The following STOX2 variants were observed in gnomAD, a reference collection of about 807,000 sequenced individuals.
STOX2 encodes the protein storkhead-box protein 2.
Under a neutral mutation model 60.9 loss-of-function variants are expected in STOX2, and 28 were observed. The ratio of observed to expected loss-of-function variants is 0.46; its 90% CI spans 0.34 to 0.63. The LOEUF (loss-of-function observed/expected upper bound fraction) is 0.63. Among genes scored for constraint, STOX2 ranks in the 30% least tolerant of loss-of-function variants. The probability of loss-of-function intolerance (pLI) is 0.01; values close to 1 mark genes in which losing one functional copy is unlikely to be tolerated. For missense variants in STOX2, 1,024 were observed against 1,187.7 expected, an observed-to-expected ratio of 0.86 and a Z score of 2.03; for synonymous variants, 472 against 463.9, an observed-to-expected ratio of 1.02 and a Z score of -0.22.
intron 1 of STOX2, among the ~76,000 whole-genome samples, chr4:183,991,826 T>C (rs1450324690): frequency 6.6e-6 from 1 of 152,130 alleles, no homozygotes; most frequent in Non-Finnish European, 1.5e-5. Flanking sequence ...ATCCCCTCAG[T>C]GAGTCTACAA....
chr4:183,898,799 A>G (rs1209027758), intron 1 of STOX2, among the ~76,000 whole-genome samples: 1 of 152,202 alleles, frequency 6.6e-6, no homozygotes, highest in Non-Finnish European at 1.5e-5. Context: ...ACCAAATTCA[A>G]CGTCCTGAGT....
chr4:184,013,175 C>T (rs1734233224), intron 3 of STOX2, among the ~76,000 whole-genome samples: 1 of 152,190 alleles, frequency 6.6e-6, no homozygotes, highest in South Asian at 2.1e-4. Context: ...GCTAAGGAGA[C>T]ATTGGGAGTA....
At chr4:183,918,106 G>T (rs1036203287) in intron 1 of STOX2, among the ~76,000 whole-genome samples, 2 of 152,226 alleles carry the variant, frequency 1.3e-5, no homozygotes, top group Non-Finnish European at 2.9e-5. Context: ...TGCAGAAGAA[G>T]AGAGCCAGCG....
At chr4:183,885,669 C>T (rs1022577842) in intron 1 of STOX2, among the ~76,000 whole-genome samples, 7 of 152,274 alleles carry the variant, frequency 4.6e-5, no homozygotes, top group East Asian at 1.9e-4. Flanking sequence ...CTCCCTTCAC[C>T]GATAGTCCAT....
chr4:183,799,427 A>G (rs899512961), intron 1 of STOX2, among the ~76,000 whole-genome samples: 1 of 152,258 alleles, frequency 6.6e-6, no homozygotes, highest in Non-Finnish European at 1.5e-5. Flanking sequence ...ACGTAAGGAT[A>G]TACGTAGTCA....
intron 1 of STOX2, among the ~76,000 whole-genome samples, chr4:183,892,842 AGT>A (rs371215546): frequency 0.9 from 137,410 of 152,116 alleles, 62,605 homozygotes; most frequent in Admixed American, 0.96. Context: ...AGTAGGTAAC[AGT>A]TAGCATGTAG....
chr4:183,984,842 T>C (rs1347652172), intron 1 of STOX2, among the ~76,000 whole-genome samples: 2 of 152,166 alleles, frequency 1.3e-5, no homozygotes, highest in Admixed American at 1.3e-4. Flanking sequence ...TATCCAAAGA[T>C]GTAAGAGGCA....
chr4:183,899,669 G>C (rs1015549463), intron 1 of STOX2, among the ~76,000 whole-genome samples: 1 of 152,204 alleles, frequency 6.6e-6, no homozygotes, highest in African/African-American at 2.4e-5. Context: ...GCTAGCAGAG[G>C]TTGGTTCATG....
intron 1 of STOX2, among the ~76,000 whole-genome samples, chr4:183,972,500 A>C (rs1473817884): frequency 6.6e-6 from 1 of 152,214 alleles, no homozygotes; most frequent in African/African-American, 2.4e-5. Context: ...AAACGCTTTG[A>C]GAGCTGAAAT....
intron 1 of STOX2, among the ~76,000 whole-genome samples, chr4:183,840,269 A>G (rs1579322285): frequency 6.6e-6 from 1 of 152,170 alleles, no homozygotes; most frequent in South Asian, 2.1e-4. Context: ...GAGTGGATGG[A>G]TTATTTAAAA....
At chr4:183,983,347 A>T (rs1010470251) in intron 1 of STOX2, among the ~76,000 whole-genome samples, 1 of 152,112 alleles carries the variant, frequency 6.6e-6, no homozygotes, top group Non-Finnish European at 1.5e-5. Flanking sequence ...ATAGATGCTG[A>T]TGTTGAACAA....
chr4:183,948,174 T>C (rs577232122), intron 1 of STOX2, among the ~76,000 whole-genome samples: 2 of 116,960 alleles, frequency 1.7e-5, no homozygotes, highest in South Asian at 2.8e-4. Context: ...GCCGAGATCA[T>C]GACATTGCAC....
At chr4:183,878,806 A>G (rs1446700030) in intron 1 of STOX2, among the ~76,000 whole-genome samples, 1 of 152,196 alleles carries the variant, frequency 6.6e-6, no homozygotes, top group Non-Finnish European at 1.5e-5. Flanking sequence ...CTTTGTATTG[A>G]GATTAGGAGC....
At chr4:183,915,317 A>G (rs900105805) in intron 1 of STOX2, among the ~76,000 whole-genome samples, 7 of 152,166 alleles carry the variant, frequency 4.6e-5, no homozygotes, top group African/African-American at 1.7e-4. Flanking sequence ...GAGAGCTAAT[A>G]TGCCATTTAC....
intron 3 of STOX2, chr4:184,014,563 G>C (rs1188051397): frequency 6.7e-6 from 1 of 149,594 alleles, no homozygotes; most frequent in Non-Finnish European, 1.5e-5. Flanking sequence ...TACTCCATTA[G>C]CTCTCTTTAA....
rs376798863 is a variant in STOX2, at chr4:183,917,684, G to A, written c.166+10728G>A. Among the ~76,000 whole-genome samples, 15 of 152,350 alleles carry A rather than the reference G, an allele frequency of 9.8e-5. No individual in the cohort carries two copies. The East Asian group carries it at 1.7e-3, about 18-fold the overall frequency. ...GACTGCTTAGCCAGAGAGTGAACAC[G>A]TCCCAGAGAGCAGAACAGTGAAGAT... On this transcript the variant is annotated intron_variant, in intron 1 of 3. Coordinates refer to ENST00000308497, the MANE Select transcript of STOX2 (RefSeq NM_020225.3).
At chr4:183,829,901 G>A (rs1479867530) in intron 1 of STOX2, among the ~76,000 whole-genome samples, 1 of 152,180 alleles carries the variant, frequency 6.6e-6, no homozygotes, top group Non-Finnish European at 1.5e-5. Context: ...CACTTACTGA[G>A]CATCTGCTGT....
intron 1 of STOX2, among the ~76,000 whole-genome samples, chr4:183,852,884 T>C (rs1458025651): frequency 1.3e-5 from 2 of 152,194 alleles, no homozygotes; most frequent in African/African-American, 2.4e-5. Context: ...TTGTAGGGTA[T>C]GGGTGTCAAC....
chr4:184,007,038 C>CAAAAAAA (rs1010667959), intron 2 of STOX2, among the ~76,000 whole-genome samples: 6 of 62,600 alleles, frequency 9.6e-5, no homozygotes, highest in African/African-American at 2.6e-4. Flanking sequence ...AAAAACAAAA[C>CAAAAAAA]AAAAAAAAAA....
Sources: gnomAD v4.1 joint callset for allele counts (sites outside exome capture counted in the v4.1 genomes callset) on GRCh38, gnomAD v4.1.1 for gene constraint, MANE v1.5 for transcripts, NCBI Gene and HGNC (gene_info 2026-07-23, HGNC 2026-07-21) for gene names.